UST: variants seen among roughly 807,000 people sequenced by gnomAD.
UST encodes chondroitin sulfate 2-O-sulfotransferase.
UST carries 21 observed loss-of-function variants against 45.6 expected under a neutral mutation model. That is an observed-to-expected ratio of 0.46 (90% CI 0.33 to 0.66). UST has a LOEUF of 0.66. UST is among the 30% of genes least tolerant of loss of function. The pLI, the probability that UST is intolerant of heterozygous loss-of-function variation, is 0.02. For synonymous variants in UST, 215 were observed against 200.6 expected (o/e 1.07, Z -0.61); for missense variants, 463 against 512.4 (o/e 0.90, Z 0.93).
chr6:148,751,080 G>A (rs1328898427), intron 1 of UST, among the ~76,000 whole-genome samples: 1 of 152,204 alleles, frequency 6.6e-6, no homozygotes, highest in Admixed American at 6.5e-5. Flanking sequence ...TTCCAACGCA[G>A]AGAATTTGAG....
At chr6:148,789,446 C>G (rs1776795520) in intron 1 of UST, among the ~76,000 whole-genome samples, 1 of 130,160 alleles carries the variant, frequency 7.7e-6, no homozygotes, top group African/African-American at 3.1e-5. Context: ...CTCTCTCTCT[C>G]TCTCTCTCAC....
chr6:148,853,022 C>T (rs1042061543), intron 1 of UST, among the ~76,000 whole-genome samples: 10 of 152,140 alleles, frequency 6.6e-5, no homozygotes, highest in Non-Finnish European at 1.5e-4. Flanking sequence ...CATAGGTAAA[C>T]GTGTGCCGTG....
At chr6:148,919,674 C>G (rs1045575588) in intron 2 of UST, among the ~76,000 whole-genome samples, 2 of 152,138 alleles carry the variant, frequency 1.3e-5, no homozygotes, top group African/African-American at 4.8e-5. Context: ...TTATTCAGTG[C>G]CAAGTTTGTT....
At chr6:148,867,675 T>C (rs946640776) in intron 1 of UST, among the ~76,000 whole-genome samples, 2 of 152,126 alleles carry the variant, frequency 1.3e-5, no homozygotes, top group Admixed American at 6.6e-5. Flanking sequence ...TCTGCCACCA[T>C]GTAAGATGTG....
intron 7 of UST, among the ~76,000 whole-genome samples, chr6:149,063,395 TA>T (rs1264246372): frequency 6.6e-6 from 1 of 152,280 alleles, no homozygotes; most frequent in Admixed American, 6.5e-5. Context: ...AAAAACTTTT[TA>T]AAAAAATATC....
chr6:148,901,054 G>T lies in UST; in HGVS notation c.291+14025G>T, dbSNP rs139944234. On this transcript the variant is annotated intron_variant, in intron 2 of 7. Coordinates refer to ENST00000367463, the MANE Select transcript of UST (RefSeq NM_005715.3). ...ATCCAGGATCCTCTCCTCAGCTCAG[G>T]ATTCTTAACTTATCACACCTGCAAA... Among the ~76,000 whole-genome samples the T allele has an allele frequency of 5.4e-3, 826 of 152,206 alleles. 7 individuals are homozygous for T. The highest frequency in any genetic ancestry group is 0.019 in the African/African-American group (773 of 41,536).
chr6:148,918,721 C>A (rs1248702212), intron 2 of UST, among the ~76,000 whole-genome samples: 1 of 152,172 alleles, frequency 6.6e-6, no homozygotes, highest in Non-Finnish European at 1.5e-5. Flanking sequence ...GCAGCGGTAA[C>A]CTCGTTATGG....
chr6:149,073,997 G>A lies in UST; in HGVS notation c.1102G>A (p.Val368Ile), dbSNP rs200672795. The change falls in exon 8 of 8, where the codon GTC (valine) becomes ATC (isoleucine). Residue 368 changes from valine (V) to isoleucine (I), a missense_variant. Around this residue, in one of 2 missense-constraint regions of UST, gnomAD observed 287 missense variants for 374.2 expected, o/e 0.77. Coordinates refer to ENST00000367463, the MANE Select transcript of UST (RefSeq NM_005715.3). Reference sequence around the variant, plus strand: ...GCGCAAGTTTGGACTTAAGTCTCACGTCAGCAAGCCCCCCCTGAGGCCACA... The same window carrying A: ...GCGCAAGTTTGGACTTAAGTCTCACATCAGCAAGCCCCCCCTGAGGCCACA... ...LKRKFGLKSH[V>I]SKPPLRPHFF... 38 of 1,614,052 alleles carry A rather than the reference G, an allele frequency of 2.4e-5. No individual in the cohort carries two copies. The highest frequency in any genetic ancestry group is 1.6e-4 in the Middle Eastern group (1 of 6,084).
chr6:148,984,256 A>G (rs1000456861), intron 5 of UST, among the ~76,000 whole-genome samples: 1 of 152,212 alleles, frequency 6.6e-6, no homozygotes, highest in Non-Finnish European at 1.5e-5. Flanking sequence ...TAGCCCTCCC[A>G]GAGTATATAA....
intron 7 of UST, among the ~76,000 whole-genome samples, chr6:149,054,695 C>G (rs1425003140): frequency 6.6e-6 from 1 of 152,100 alleles, no homozygotes; most frequent in African/African-American, 2.4e-5. Context: ...AAATTAGAAG[C>G]CTTTGGCAAA....
chr6:148,880,544 G>A (rs1228557039), intron 1 of UST, among the ~76,000 whole-genome samples: 1 of 152,196 alleles, frequency 6.6e-6, no homozygotes, highest in Admixed American at 6.5e-5. Flanking sequence ...TCCTCCAAGT[G>A]CTCCAACTAA....
chr6:148,909,119 AATAAT>A (rs67458808), intron 2 of UST, among the ~76,000 whole-genome samples: 16,343 of 152,182 alleles, frequency 0.11, 1,042 homozygotes, highest in Middle Eastern at 0.15. Context: ...TTTTATTGGA[AATAAT>A]ATTTATCTTG....
intron 3 of UST, among the ~76,000 whole-genome samples, chr6:148,948,497 A>G (rs1780293534): frequency 6.6e-6 from 1 of 152,206 alleles, no homozygotes; most frequent in Non-Finnish European, 1.5e-5. Flanking sequence ...GGAATTACTT[A>G]CTGATATGCT....
intron 7 of UST, among the ~76,000 whole-genome samples, chr6:149,049,698 C>T (rs769559489): frequency 2.0e-5 from 3 of 152,184 alleles, no homozygotes; most frequent in African/African-American, 4.8e-5. Flanking sequence ...TTCCTGCACC[C>T]GCAGCAACAC....
chr6:148,764,643 C>T (rs957118442), intron 1 of UST, among the ~76,000 whole-genome samples: 10 of 152,202 alleles, frequency 6.6e-5, no homozygotes, highest in African/African-American at 1.4e-4. Context: ...CGGCAGGTTC[C>T]ATGATGCCCC....
intron 1 of UST, among the ~76,000 whole-genome samples, chr6:148,761,887 C>G (rs535353758): frequency 2.6e-5 from 4 of 152,336 alleles, no homozygotes; most frequent in South Asian, 4.1e-4. Context: ...CCCAACAGTC[C>G]ATAGAAGCAG....
At chr6:148,870,348 T>G (rs1435246849) in intron 1 of UST, among the ~76,000 whole-genome samples, 1 of 152,146 alleles carries the variant, frequency 6.6e-6, no homozygotes, top group African/African-American at 2.4e-5. Context: ...GTGACAACAT[T>G]AAAGTTCTGC....
intron 1 of UST, among the ~76,000 whole-genome samples, chr6:148,871,738 ATG>A (rs943743214): frequency 2.6e-5 from 4 of 152,198 alleles, no homozygotes; most frequent in Non-Finnish European, 5.9e-5. Context: ...ATGAGGATAT[ATG>A]TGTGTCCTTA....
intron 7 of UST, among the ~76,000 whole-genome samples, chr6:149,044,422 C>T (rs1323868435): frequency 6.6e-6 from 1 of 152,218 alleles, no homozygotes; most frequent in African/African-American, 2.4e-5. Flanking sequence ...TCCCCTCACT[C>T]TCTTTTTCCC....
Sources: gnomAD v4.1 joint callset for allele counts (sites outside exome capture counted in the v4.1 genomes callset) on GRCh38, gnomAD v4.1.1 for gene constraint, gnomAD v4.1.1 regional missense constraint, MANE v1.5 for transcripts, NCBI Gene and HGNC (gene_info 2026-07-23, HGNC 2026-07-21) for gene names.